The following ZNF615 variants were observed in gnomAD, a reference collection of about 807,000 sequenced individuals.
The protein encoded by ZNF615 is zinc finger protein 615.
ZNF615 carries 15 observed loss-of-function variants against 15.3 expected under a neutral mutation model. The ratio of observed to expected loss-of-function variants is 0.98; its 90% CI spans 0.66 to 1.51. The LOEUF (loss-of-function observed/expected upper bound fraction) is 1.51. Ranked by LOEUF, ZNF615 falls within the 40% of genes most tolerant of loss-of-function variation. The pLI, the probability that ZNF615 is intolerant of heterozygous loss-of-function variation, is 0.00. For synonymous variants in ZNF615, 268 were observed against 294.6 expected, an observed-to-expected ratio of 0.91 and a Z score of 0.92; for missense variants, 848 against 895.9, an observed-to-expected ratio of 0.95 and a Z score of 0.68.
intron 6 of ZNF615, among the ~76,000 whole-genome samples, chr19:51,995,091 C>T (rs1836001): frequency 0.39 from 59,545 of 151,592 alleles, 12,969 homozygotes; most frequent in African/African-American, 0.58. Context: ...AAAATTACAG[C>T]TAAAGGGGGT....
In ZNF615 at chr19:51,994,334, T is replaced by C. The variant is rs1309400679; in HGVS notation, c.775A>G (p.Met259Val). ...GKAFSRKSRL[M>V]DHQRTHTELK... ...TCTGTATGAGTTCTCTGATGGTCCA[T>C]TAGTCTGGATTTTCTGGAGAAAGCT... Residue 259 changes from methionine to valine, a missense_variant, in exon 7 of 7, where the codon ATG becomes GTG. Transcript: ENST00000598071. 1 of 1,614,166 alleles carries C rather than the reference T, an allele frequency of 6.2e-7. No homozygotes were observed. The highest frequency in any genetic ancestry group is 1.1e-5 in the South Asian group (1 of 91,084).
Position 51,994,190 on chromosome 19 carries a change from C to CTT in ZNF615, c.917_918dup (p.Ala307LysfsTer89). ...ATGAGCCGACACTTCTTGATGAAGG[C>CTT]TTTCCCACATTGGCTACATGTGTAA... On this transcript the variant is annotated frameshift_variant, in exon 7 of 7. Coordinates refer to ENST00000598071, the MANE Select transcript of ZNF615 (RefSeq NM_001199324.2). LOFTEE classifies it low-confidence loss of function (END_TRUNC). The CTT allele has an allele frequency of 6.2e-7, 1 of 1,613,978 alleles. No homozygotes were observed. Among genetic ancestry groups the CTT allele is most frequent in the Non-Finnish European group, 8.5e-7 (1 of 1,180,026 alleles).
chr19:52,005,036 A>G (rs558550228), intron 2 of ZNF615, among the ~76,000 whole-genome samples: 12 of 152,264 alleles, frequency 7.9e-5, no homozygotes, highest in African/African-American at 2.9e-4. Flanking sequence ...CGAGGTGGGC[A>G]GATCACGAGG....
chr19:51,995,211 T>A (rs936566886), intron 6 of ZNF615, among the ~76,000 whole-genome samples: 7 of 152,272 alleles, frequency 4.6e-5, no homozygotes, highest in Admixed American at 1.3e-4. Flanking sequence ...ATAAAGGAAA[T>A]TCCATGTATA....
Position 51,992,931 on chromosome 19 carries a change from T to C in ZNF615, c.2178A>G (p.Lys726=), listed in dbSNP as rs1297201546. Residue 726 remains lysine (K), a synonymous_variant, in exon 7 of 7, where the codon AAA becomes AAG. Transcript: ENST00000598071. ...CAAGGATAGACAAGTGCGCAAAAGC[T>C]TTCCCACAATCACTACATCCATAGG... The part of the protein sequence containing the change: ...ERPYGCSDCG[K]AFAHLSILVK... The C allele has an allele frequency of 6.2e-7, 1 of 1,614,190 alleles. No homozygotes were observed. Among genetic ancestry groups the C allele is most frequent in the South Asian group, 1.1e-5 (1 of 91,090 alleles).
Position 52,008,122 on chromosome 19 carries a change from A to AC in ZNF615, c.-228+18dup. The AC allele has an allele frequency of 6.5e-7, 1 of 1,534,946 alleles. No homozygotes were observed. The highest frequency in any genetic ancestry group is 8.7e-7 in the Non-Finnish European group (1 of 1,146,328). ...TTCCTCCCCCGTCACCACAGCGACC[A>AC]CCCAGTGACTGAACTTACTTCCCAG... On this transcript the variant is annotated intron_variant, in intron 1 of 6. Transcript: ENST00000598071.
chr19:52,005,098 A>C lies in ZNF615; in HGVS notation c.-189-1198T>G, dbSNP rs191438843. On this transcript the variant is annotated intron_variant, in intron 2 of 6. Transcript: ENST00000598071. ...ACATGGTGAAACCCCGTCTCTACTA[A>C]AAATACAAAAATTAGCTGGGCATGG... Among the ~76,000 whole-genome samples, 600 of 152,216 alleles carry C rather than the reference A, an allele frequency of 3.9e-3. 7 individuals carry two copies. Among genetic ancestry groups the C allele is most frequent in the African/African-American group, 0.014 (575 of 41,548 alleles).
intron 6 of ZNF615, among the ~76,000 whole-genome samples, chr19:51,999,198 G>C (rs537027530): frequency 2.6e-5 from 4 of 152,196 alleles, no homozygotes; most frequent in Admixed American, 2.6e-4. Context: ...ATGCATTGTC[G>C]AAAGAAGTCA....
intron 5 of ZNF615, among the ~76,000 whole-genome samples, chr19:52,000,822 G>A (rs1452555230): frequency 6.6e-6 from 1 of 151,996 alleles, no homozygotes; most frequent in African/African-American, 2.4e-5. Context: ...GCATGGTGAT[G>A]TGTGCCTGTA....
At chr19:52,007,920 A>AG (rs2086801010) in intron 1 of ZNF615, 1 of 539,374 alleles carries the variant, frequency 1.9e-6, no homozygotes, top group East Asian at 3.0e-5. Context: ...CTGGTCCCAG[A>AG]GGTACCCCGA....
Position 51,993,852 on chromosome 19 carries a change from G to A in ZNF615, c.1257C>T (p.Gly419=). 1 of 1,614,102 alleles carries A rather than the reference G, an allele frequency of 6.2e-7. No individual in the cohort carries two copies. The highest frequency in any genetic ancestry group is 8.5e-7 in the Non-Finnish European group (1 of 1,180,020). ...CCATGAGACAGTGCTTCATTGAAAAGCCTTTTCCACATTCACTACATGTAT... is the reference window on the plus strand; with the variant it reads ...CCATGAGACAGTGCTTCATTGAAAAACCTTTTCCACATTCACTACATGTAT... ...KLYTCSECGK[G]FSMKHCLMVH... is the part of the protein sequence containing the mutation. Residue 419 remains glycine (G), a synonymous_variant, in exon 7 of 7, where the codon GGC becomes GGT. Coordinates refer to ENST00000598071, the MANE Select transcript of ZNF615 (RefSeq NM_001199324.2).
In ZNF615 at chr19:52,003,692, G is replaced by C; in HGVS notation, c.15+5C>G. 6.2e-7 allele frequency: 1 copy of C among 1,612,136 alleles called. No homozygotes were observed. The highest frequency in any genetic ancestry group is 8.5e-7 in the Non-Finnish European group (1 of 1,179,008). ...AAGGAAAGAATAAAACAAACCAAAA[G>C]TCACCTGGGCCTGCATCATTGTCTC... On this transcript the variant is annotated splice_donor_5th_base_variant and intron_variant, in intron 3 of 6. Transcript: ENST00000598071.
Position 51,992,912 on chromosome 19 carries a change from T to C in ZNF615, c.2197A>G (p.Ile733Val), listed in dbSNP as rs1257980132. 1.9e-6 allele frequency: 3 copies of C among 1,614,156 alleles called. No individual in the cohort carries two copies. The highest frequency in any genetic ancestry group is 2.5e-6 in the Non-Finnish European group (3 of 1,180,010). The change falls in exon 7 of 7, where the codon ATC becomes GTC. Residue 733 changes from isoleucine to valine, a missense_variant. Physicochemically the swap from Ile to Val is conservative, Grantham distance 29. Coordinates refer to ENST00000598071, the MANE Select transcript of ZNF615 (RefSeq NM_001199324.2). ...TGAATTCTCCTGTGTTTAACAAGGA[T>C]AGACAAGTGCGCAAAAGCTTTCCCA... ...DCGKAFAHLSILVKHRRIHR is the reference protein window; with the variant it reads ...DCGKAFAHLSVLVKHRRIHR
chr19:52,005,154 G>A (rs1377607036), intron 2 of ZNF615, among the ~76,000 whole-genome samples: 1 of 152,130 alleles, frequency 6.6e-6, no homozygotes, highest in East Asian at 1.9e-4. Context: ...AGCTACTCAG[G>A]AGGCTGAGGC....
chr19:51,993,709 T>A lies in ZNF615; in HGVS notation c.1400A>T (p.Tyr467Phe). ...ACCTTTTCGACATTCGGTGCATACATAGGGTTTCTCTCCAGTATGTGTTCG... is the reference window on the plus strand; with the variant it reads ...ACCTTTTCGACATTCGGTGCATACAAAGGGTTTCTCTCCAGTATGTGTTCG... ...HQRTHTGEKP[Y>F]VCTECRKGFT... The change falls in exon 7 of 7, where the codon TAT becomes TTT. Residue 467 changes from tyrosine to phenylalanine, a missense_variant. Transcript: ENST00000598071. The A allele has an allele frequency of 6.2e-7, 1 of 1,614,070 alleles. No individual in the cohort carries two copies. The highest frequency in any genetic ancestry group is 8.5e-7 in the Non-Finnish European group (1 of 1,180,012).
In ZNF615 at chr19:52,002,220, C is replaced by T. The variant is rs777916887; in HGVS notation, c.77G>A (p.Ser26Asn). Residue 26 changes from serine to asparagine, a missense_variant, in exon 4 of 7, where the codon AGC (serine) becomes AAC (asparagine). Coordinates refer to ENST00000598071, the MANE Select transcript of ZNF615 (RefSeq NM_001199324.2). The part of the protein sequence containing the change: ...DFTWEEWQFL[S>N]PAQKDLYRDV... ...CCGGTACAGGTCCTTCTGAGCAGGGCTCAGGAACTGCCACTCCTCCCAGGT... is the reference window on the plus strand; with the variant it reads ...CCGGTACAGGTCCTTCTGAGCAGGGTTCAGGAACTGCCACTCCTCCCAGGT... 8.1e-6 allele frequency: 13 copies of T among 1,614,092 alleles called. No homozygotes were observed. The highest frequency in any genetic ancestry group is 1.0e-5 in the Non-Finnish European group (12 of 1,180,048).
intron 6 of ZNF615, among the ~76,000 whole-genome samples, chr19:51,997,182 G>T (rs1263367203): frequency 6.6e-6 from 1 of 152,080 alleles, no homozygotes; most frequent in Non-Finnish European, 1.5e-5. Flanking sequence ...GCTGGGTGTG[G>T]TGGCATGTAG....
In ZNF615 at chr19:51,992,944, C is replaced by T. The variant is rs2086276815; in HGVS notation, c.2165G>A (p.Ser722Asn). 1.2e-6 allele frequency: 2 copies of T among 1,614,068 alleles called. No individual in the cohort carries two copies. Among genetic ancestry groups the T allele is most frequent in the African/African-American group, 1.3e-5 (1 of 74,938 alleles). ...KHTGERPYGCSDCGKAFAHLS... is the reference protein window; with the variant it reads ...KHTGERPYGCNDCGKAFAHLS... ...GTGCGCAAAAGCTTTCCCACAATCA[C>T]TACATCCATAGGGCCTCTCTCCTGT... The change falls in exon 7 of 7, where the codon AGT (serine) becomes AAT (asparagine). Residue 722 changes from serine (S) to asparagine (N), a missense_variant. Ser to Asn is a conservative substitution (Grantham distance 46, BLOSUM62 1). Transcript: ENST00000598071.
In ZNF615 at chr19:51,994,456, C is replaced by T. The variant is rs148237862; in HGVS notation, c.653G>A (p.Ser218Asn). Residue 218 changes from serine (S) to asparagine (N), a missense_variant, in exon 7 of 7, where the codon AGT (serine) becomes AAT (asparagine). Ser to Asn is a conservative substitution (Grantham distance 46). Transcript: ENST00000598071. The stretch of plus-strand genomic sequence containing the variant: ...CTTGAGGAAGGCTTTCCCACATTCA[C>T]TGCATACATGGGCATTCTCTATGTT... ...THNIENAHVCSECGKAFLKLS... is the reference protein window; with the variant it reads ...THNIENAHVCNECGKAFLKLS... 1.2e-6 allele frequency: 2 copies of T among 1,614,184 alleles called. No homozygotes were observed. Among genetic ancestry groups the T allele is most frequent in the Non-Finnish European group, 1.7e-6 (2 of 1,180,016 alleles).
Sources: allele counts gnomAD v4.1 joint callset (sites outside exome capture counted in the v4.1 genomes callset), GRCh38; gene constraint gnomAD v4.1.1; transcripts MANE v1.5; gene names NCBI Gene and HGNC (gene_info 2026-07-23, HGNC 2026-07-21).